Variants in EDAR observed in about 807,000 individuals in gnomAD.
The protein encoded by EDAR is ectodysplasin A receptor.
A neutral mutation model predicts 51.3 loss-of-function variants in EDAR; 38 were observed. The ratio of observed to expected loss-of-function variants is 0.74; its 90% confidence interval spans 0.57 to 0.97. The LOEUF (loss-of-function observed/expected upper bound fraction) is 0.97, where lower values mean the gene tolerates loss of function less well. Among genes scored for constraint, EDAR ranks in the 50% least tolerant of loss-of-function variants. The probability of loss-of-function intolerance (pLI) is 0.00; values close to 1 mark genes in which losing one functional copy is unlikely to be tolerated. For synonymous variants in EDAR, 227 were observed against 242.1 expected (o/e 0.94, Z 0.58); for missense variants, 528 against 595.0 (o/e 0.89, Z 1.17).
At chr2:108,906,117 T>G (rs950951310) in intron 11 of EDAR, among the ~76,000 whole-genome samples, 191 bp downstream of exon 11, 3 of 152,212 alleles carry the variant, frequency 2.0e-5, no homozygotes, top group Non-Finnish European at 4.4e-5. Flanking sequence ...GGGAGATGCC[T>G]TCCGATATCT....
rs140962824 is a variant in EDAR, at chr2:108,970,895, T to C, written c.-19+18065A>G. Among the ~76,000 whole-genome samples, 19 of 152,308 alleles carry C rather than the reference T, an allele frequency of 1.2e-4. No individual in the cohort carries two copies. The East Asian group carries it at 3.7e-3, about 29-fold the overall frequency. Reference sequence around the variant, plus strand: ...TACAGGACTGAACAAATACAAGTGATAGATTTGCTAATTCTTTTCTTTCCC... The same window carrying C: ...TACAGGACTGAACAAATACAAGTGACAGATTTGCTAATTCTTTTCTTTCCC... On this transcript the variant is annotated intron_variant, in intron 1 of 11. Transcript: ENST00000258443.
intron 5 of EDAR, among the ~76,000 whole-genome samples, chr2:108,919,148 C>T (rs1195809490): frequency 3.3e-5 from 5 of 152,116 alleles, no homozygotes; most frequent in Non-Finnish European, 7.4e-5. Flanking sequence ...CTGGGAGGCC[C>T]GCTTCACACC....
chr2:108,972,525 G>A (rs755895236), intron 1 of EDAR, among the ~76,000 whole-genome samples: 25 of 152,338 alleles, frequency 1.6e-4, no homozygotes, highest in Non-Finnish European at 3.5e-4. Flanking sequence ...GCAACGGGCC[G>A]AGGCAGCCTA....
intron 9 of EDAR, 62 bp downstream of exon 9, chr2:108,910,398 C>A: frequency 7.2e-7 from 1 of 1,382,928 alleles, no homozygotes. Context: ...ACCCTGGTTC[C>A]CCTCCCTGCT....
intron 11 of EDAR, among the ~76,000 whole-genome samples, chr2:108,902,067 A>G (rs773187047): frequency 6.6e-6 from 1 of 152,186 alleles, no homozygotes; most frequent in African/African-American, 2.4e-5. Flanking sequence ...GTGAAACCCC[A>G]TATCTACTAA....
intron 1 of EDAR, among the ~76,000 whole-genome samples, chr2:108,956,951 G>A (rs565205427): frequency 6.6e-6 from 1 of 152,056 alleles, no homozygotes; most frequent in Non-Finnish European, 1.5e-5. Flanking sequence ...ACCACGCCCC[G>A]CTAATTTTTT....
intron 1 of EDAR, among the ~76,000 whole-genome samples, chr2:108,937,207 T>C (rs1476765642): frequency 6.6e-6 from 1 of 152,238 alleles, no homozygotes; most frequent in East Asian, 1.9e-4. Flanking sequence ...CTCTTCTTTA[T>C]CACTGCACTG....
chr2:108,984,055 C>T (rs260676), intron 1 of EDAR, among the ~76,000 whole-genome samples: 143,878 of 152,248 alleles, frequency 0.95, 68,477 homozygotes, highest in East Asian at 1. Flanking sequence ...TGATAATCTA[C>T]TTTCAGATTT....
intron 1 of EDAR, 41 bp from the exon 2 acceptor site, chr2:108,931,073 C>T: frequency 1.3e-6 from 2 of 1,566,010 alleles, no homozygotes; most frequent in South Asian, 2.2e-5. Flanking sequence ...GGCGGTAGCA[C>T]CCCAGCCGGG....
At chr2:108,921,778 A>C (rs1165208640) in intron 5 of EDAR, among the ~76,000 whole-genome samples, 2 of 152,208 alleles carry the variant, frequency 1.3e-5, no homozygotes, top group Non-Finnish European at 2.9e-5. Flanking sequence ...ATCCACCCCA[A>C]GGCCTATCTG....
intron 2 of EDAR, among the ~76,000 whole-genome samples, chr2:108,930,452 C>A (rs1297871698): frequency 6.6e-6 from 1 of 152,090 alleles, no homozygotes; most frequent in African/African-American, 2.4e-5. Context: ...CCAGCCCCCA[C>A]TAGAACCACC....
At chr2:108,963,375 G>A (rs1390431752) in intron 1 of EDAR, among the ~76,000 whole-genome samples, 6 of 152,142 alleles carry the variant, frequency 3.9e-5, no homozygotes, top group South Asian at 2.1e-4. Flanking sequence ...TAGAGCCGAC[G>A]TTCTAAAATT....
At chr2:108,921,115 C>G (rs1250809544) in intron 5 of EDAR, among the ~76,000 whole-genome samples, 1 of 152,208 alleles carries the variant, frequency 6.6e-6, no homozygotes, top group African/African-American at 2.4e-5. Context: ...CTGAAACCCT[C>G]TGCTTCACAG....
chr2:108,957,322 C>T (rs1338688927), intron 1 of EDAR, among the ~76,000 whole-genome samples: 2 of 152,216 alleles, frequency 1.3e-5, no homozygotes, highest in South Asian at 2.1e-4. Flanking sequence ...GCAGAGATGA[C>T]CCTGTTTGAA....
intron 5 of EDAR, among the ~76,000 whole-genome samples, chr2:108,917,815 C>G (rs1269069828): frequency 1.3e-5 from 2 of 152,080 alleles, no homozygotes; most frequent in Non-Finnish European, 2.9e-5. Context: ...AAGTGCCAAC[C>G]TTGGGCAGCA....
intron 1 of EDAR, among the ~76,000 whole-genome samples, chr2:108,970,713 A>T (rs1698218987): frequency 6.6e-6 from 1 of 152,096 alleles, no homozygotes; most frequent in Non-Finnish European, 1.5e-5. Flanking sequence ...GAAAGAATAA[A>T]AGCTAAGATG....
intron 1 of EDAR, among the ~76,000 whole-genome samples, chr2:108,938,145 C>T (rs1697512197): frequency 6.6e-6 from 1 of 152,200 alleles, no homozygotes; most frequent in Non-Finnish European, 1.5e-5. Context: ...GCAGGAAGAG[C>T]ATGGAAAATC....
At chr2:108,932,528 C>CAA (rs1171012818) in intron 1 of EDAR, among the ~76,000 whole-genome samples, 1,411 of 38,628 alleles carry the variant, frequency 0.037, 75 homozygotes, top group African/African-American at 0.091. Context: ...GACTCTGTCT[C>CAA]AAAAAAAAAA....
intron 1 of EDAR, among the ~76,000 whole-genome samples, chr2:108,937,693 A>C (rs2105464502): frequency 6.6e-6 from 1 of 151,340 alleles, no homozygotes; most frequent in Non-Finnish European, 1.5e-5. Context: ...TGTGATGTGT[A>C]TGTGTGTGAG....
Sources: allele counts gnomAD v4.1 joint callset (sites outside exome capture counted in the v4.1 genomes callset), GRCh38; gene constraint gnomAD v4.1.1; transcripts MANE v1.5; gene names NCBI Gene and HGNC (gene_info 2026-07-23, HGNC 2026-07-21).